Variants in ADARB2 observed in about 807,000 individuals in gnomAD.
The protein encoded by ADARB2 is inactive double-stranded RNA-specific editase B2.
In ADARB2, 25 loss-of-function variants were observed where a neutral mutation model predicts 62.2. The observed-to-expected ratio is 0.40, with a 90% CI of 0.29 to 0.56. The LOEUF is 0.56. Ranked by LOEUF, ADARB2 falls within the 20% of genes least tolerant of loss-of-function variation. The pLI is 0.43. For missense variants in ADARB2, 1,071 were observed against 1,077.4 expected, an observed-to-expected ratio of 0.99 and a Z score of 0.08; for synonymous variants, 572 against 500.8, an observed-to-expected ratio of 1.14 and a Z score of -1.90.
In ADARB2 at chr10:1,363,212, G is replaced by A. The variant is rs377134415; in HGVS notation, c.893C>T (p.Pro298Leu). 2.0e-6 allele frequency: 3 copies of A among 1,464,368 alleles called. No homozygotes were observed. The highest frequency in any genetic ancestry group is 2.9e-5 in the East Asian group (1 of 34,376). The allele number at this position is 1,464,368 out of a possible 1,614,324, so 90.7% of individuals were successfully genotyped here. Residue 298 changes from proline (P) to leucine (L), a missense_variant, in exon 3 of 10, where the codon CCG becomes CTG. Physicochemically the swap from Pro to Leu is moderately conservative, Grantham distance 98 (BLOSUM62 -3). Transcript: ENST00000381312. Reference protein sequence around the residue: ...AGLRYVCLAEPAERRARSFVM... With the variant: ...AGLRYVCLAELAERRARSFVM... ...GAAGCTCCGCGCGCGCCGCTCGGCC[G>A]GTTCTGCCAGACACACGTAGCGCAG...
intron 1 of ADARB2, among the ~76,000 whole-genome samples, chr10:1,402,616 C>A (rs1203713345): frequency 6.6e-6 from 1 of 152,126 alleles, no homozygotes; most frequent in Non-Finnish European, 1.5e-5. Flanking sequence ...TCGGAGGCGG[C>A]CCCACTTCAG....
At chr10:1,565,663 C>T (rs1392292813) in intron 1 of ADARB2, among the ~76,000 whole-genome samples, 2 of 152,154 alleles carry the variant, frequency 1.3e-5, no homozygotes, top group East Asian at 1.9e-4. Context: ...CTTACTCTGT[C>T]GAGTGAGGGC....
intron 1 of ADARB2, among the ~76,000 whole-genome samples, chr10:1,412,528 AG>A (rs1438177614): frequency 6.6e-6 from 1 of 152,214 alleles, no homozygotes; most frequent in African/African-American, 2.4e-5. Context: ...CATTCAAAAA[AG>A]TCCAAAACAG....
At chr10:1,441,769 T>G (rs1021632262) in intron 1 of ADARB2, among the ~76,000 whole-genome samples, 1 of 152,314 alleles carries the variant, frequency 6.6e-6, no homozygotes, top group South Asian at 2.1e-4. Context: ...ATTTTCAAAA[T>G]TGACATTGAT....
chr10:1,206,078 A>G (rs180727742), intron 7 of ADARB2, among the ~76,000 whole-genome samples: 6 of 152,296 alleles, frequency 3.9e-5, no homozygotes, highest in Admixed American at 2.0e-4. Context: ...TTTTCAGTAA[A>G]TTACTTCCAG....
chr10:1,537,634 A>C (rs1832350507), intron 1 of ADARB2, among the ~76,000 whole-genome samples: 1 of 152,250 alleles, frequency 6.6e-6, no homozygotes, highest in Non-Finnish European at 1.5e-5. Flanking sequence ...ATGCAGCCAT[A>C]AAAAGGAAGG....
At chr10:1,442,198 G>T (rs374426555) in intron 1 of ADARB2, among the ~76,000 whole-genome samples, 158 of 152,290 alleles carry the variant, frequency 1.0e-3, no homozygotes, top group African/African-American at 3.2e-3. Context: ...CCAATAAATA[G>T]TTTCCCTTTT....
intron 1 of ADARB2, among the ~76,000 whole-genome samples, chr10:1,387,229 C>T (rs1310891072): frequency 6.6e-6 from 1 of 151,458 alleles, no homozygotes; most frequent in Non-Finnish European, 1.5e-5. Flanking sequence ...GTACATCAAA[C>T]CAAAGTTGTT....
Position 1,255,950 on chromosome 10 carries a change from G to A in ADARB2, c.1193-13651C>T, listed in dbSNP as rs1029281994. Among the ~76,000 whole-genome samples, 4 of 152,222 alleles carry A rather than the reference G, an allele frequency of 2.6e-5. No individual in the cohort carries two copies. The highest frequency in any genetic ancestry group is 9.6e-5 in the African/African-American group (4 of 41,454). Reference sequence around the variant, plus strand: ...TGTTTACATGACAGTGGCACATCTGGCACATTCTCCTACTGAATTAACTTG... The same window carrying A: ...TGTTTACATGACAGTGGCACATCTGACACATTCTCCTACTGAATTAACTTG... On this transcript the variant is annotated intron_variant, in intron 4 of 9. Coordinates refer to ENST00000381312, the MANE Select transcript of ADARB2 (RefSeq NM_018702.4). The surrounding 1 kb of genome is among the most constrained non-coding windows in gnomAD (Gnocchi z 4.7).
chr10:1,200,500 G>T, intron 7 of ADARB2: 1 of 453,904 alleles, frequency 2.2e-6, no homozygotes, highest in Non-Finnish European at 3.9e-6. Context: ...TATATTAGCT[G>T]GGAAATACTA....
chr10:1,364,837 C>T (rs193214855), intron 2 of ADARB2, among the ~76,000 whole-genome samples: 4 of 151,608 alleles, frequency 2.6e-5, no homozygotes, highest in South Asian at 4.2e-4. Context: ...CCACACCATG[C>T]GCTCACCTTA....
At chr10:1,626,910 C>A (rs1446798792) in intron 1 of ADARB2, among the ~76,000 whole-genome samples, 3 of 152,158 alleles carry the variant, frequency 2.0e-5, no homozygotes, top group Non-Finnish European at 4.4e-5. Context: ...GCATCTCCTG[C>A]CTTCCCTCAT....
chr10:1,654,680 G>A (rs1048600821), intron 1 of ADARB2, among the ~76,000 whole-genome samples: 4 of 152,256 alleles, frequency 2.6e-5, no homozygotes, highest in Admixed American at 1.3e-4. Flanking sequence ...AGCATGGACC[G>A]ATCCCGAAGT....
intron 1 of ADARB2, among the ~76,000 whole-genome samples, chr10:1,637,914 C>A (rs1833935146): frequency 6.6e-6 from 1 of 152,154 alleles, no homozygotes; most frequent in Admixed American, 6.5e-5. Flanking sequence ...TGGAAAAGTT[C>A]TTTGTCTGGC....
chr10:1,359,895 G>T (rs747686773), intron 3 of ADARB2, among the ~76,000 whole-genome samples: 15 of 152,230 alleles, frequency 9.9e-5, no homozygotes, highest in Non-Finnish European at 2.1e-4. Flanking sequence ...GTCTAAACAC[G>T]CCACTCAGAT....
At chr10:1,591,149 C>T (rs1246293905) in intron 1 of ADARB2, among the ~76,000 whole-genome samples, 14 of 152,210 alleles carry the variant, frequency 9.2e-5, no homozygotes, top group Admixed American at 8.5e-4. Context: ...GGGCTGGGGC[C>T]TCACCGGGAG....
At chr10:1,378,910 A>T (rs1229532156) in intron 2 of ADARB2, among the ~76,000 whole-genome samples, 164 bp downstream of exon 2, 1 of 152,082 alleles carries the variant, frequency 6.6e-6, no homozygotes, top group Non-Finnish European at 1.5e-5. Context: ...TGCATGGAAG[A>T]TGGGGATTCT....
chr10:1,421,064 C>T (rs551316504), intron 1 of ADARB2, among the ~76,000 whole-genome samples: 80 of 151,952 alleles, frequency 5.3e-4, no homozygotes, highest in Non-Finnish European at 9.6e-4. Context: ...GAGCTCGAAG[C>T]TCTCCCGCCC....
At chr10:1,209,483 G>GCCCACA (rs1405898309) in intron 7 of ADARB2, among the ~76,000 whole-genome samples, 13 of 116,114 alleles carry the variant, frequency 1.1e-4, no homozygotes, top group African/African-American at 5.2e-4. Flanking sequence ...CCATGCCCAT[G>GCCCACA]CCTACACTGT....
Sources: gnomAD v4.1 joint callset for allele counts (sites outside exome capture counted in the v4.1 genomes callset) on GRCh38, gnomAD v4.1.1 for gene constraint, Gnocchi (gnomAD v3.1) non-coding constraint, MANE v1.5 for transcripts, NCBI Gene and HGNC (gene_info 2026-07-23, HGNC 2026-07-21) for gene names.